The following EFCAB5 variants were observed in gnomAD, a reference collection of about 807,000 sequenced individuals.
EFCAB5 encodes EF-hand calcium-binding domain-containing protein 5.
A neutral mutation model predicts 167.9 loss-of-function variants in EFCAB5; 131 were observed. That is an observed-to-expected ratio of 0.78 (90% CI 0.68 to 0.90). EFCAB5 has a LOEUF of 0.90. Among genes scored for constraint, EFCAB5 ranks in the 40% least tolerant of loss-of-function variants. EFCAB5 has a pLI of 0.00. For missense variants in EFCAB5, 1,663 were observed against 1,745.2 expected, an observed-to-expected ratio of 0.95 and a Z score of 0.84; for synonymous variants, 574 against 602.8, an observed-to-expected ratio of 0.95 and a Z score of 0.70.
chr17:30,073,660 G>T (rs2070802101), intron 14 of EFCAB5: 2 of 714,062 alleles, frequency 2.8e-6, no homozygotes, highest in African/African-American at 1.8e-5. Flanking sequence ...AAAGAAGGAA[G>T]TTTTTTCCTC....
rs536192124 is a variant in EFCAB5 at position 30,083,097 on chromosome 17, G to A, written c.3579+54G>A. ...CTCCAAGGTAGCCGAGTGTCTAGAT[G>A]TTATTTCTTGCTAATATTTGAAAAC... is the stretch of plus-strand genomic sequence containing the variant. On this transcript the variant is annotated intron_variant, in intron 18 of 22. Transcript: ENST00000394835. 126 of 1,548,656 alleles carry A rather than the reference G, an allele frequency of 8.1e-5. 3 individuals are homozygous for A. In the South Asian group the frequency reaches 1.5e-3, roughly 18 times the overall value.
intron 8 of EFCAB5, among the ~76,000 whole-genome samples, chr17:30,041,643 AAGTTCT>A (rs2069777591): frequency 6.6e-6 from 1 of 152,258 alleles, no homozygotes; most frequent in Admixed American, 6.5e-5. Flanking sequence ...ATTTTGAAAG[AAGTTCT>A]ACTGTAGATA....
intron 3 of EFCAB5, among the ~76,000 whole-genome samples, chr17:29,967,574 T>C (rs1469716013): frequency 2.0e-5 from 3 of 152,226 alleles, no homozygotes; most frequent in Admixed American, 2.0e-4. Flanking sequence ...CTTCAATCAG[T>C]TGAATTCCCC....
chr17:30,066,877 A>G (rs2070585782), intron 14 of EFCAB5, among the ~76,000 whole-genome samples: 1 of 152,242 alleles, frequency 6.6e-6, no homozygotes. Flanking sequence ...AGTGACTATT[A>G]CAAACTATAT....
In EFCAB5 at chr17:30,053,487, A is replaced by G. The variant is rs1567743293; in HGVS notation, c.1533A>G (p.Gly511=). The G allele has an allele frequency of 6.2e-7, 1 of 1,614,052 alleles. No individual in the cohort carries two copies. Among genetic ancestry groups the G allele is most frequent in the East Asian group, 2.2e-5 (1 of 44,892 alleles). The change falls in exon 10 of 23, where the codon GGA becomes GGG. Residue 511 remains glycine (G), a synonymous_variant. Coordinates refer to ENST00000394835, the MANE Select transcript of EFCAB5 (RefSeq NM_198529.4). ...PSPNPPEQQR[G]VTAEQGPQRI... is the part of the protein sequence containing the mutation. ...CAAACCCGCCAGAACAGCAGAGAGG[A>G]GTAACTGCAGAACAAGGACCACAAA...
intron 7 of EFCAB5, among the ~76,000 whole-genome samples, chr17:30,015,254 G>T (rs1377325492): frequency 6.6e-6 from 1 of 152,106 alleles, no homozygotes; most frequent in Admixed American, 6.6e-5. Flanking sequence ...TTCAACCTTG[G>T]TAAATCTGAC....
At chr17:29,992,656 A>G (rs959389603) in intron 4 of EFCAB5, among the ~76,000 whole-genome samples, 1 of 152,132 alleles carries the variant, frequency 6.6e-6, no homozygotes. Flanking sequence ...CCTCCATTGT[A>G]TTATAAACCA....
intron 14 of EFCAB5, among the ~76,000 whole-genome samples, chr17:30,066,597 T>C (rs749096146): frequency 2.7e-4 from 41 of 152,032 alleles, no homozygotes; most frequent in Non-Finnish European, 5.0e-4. Flanking sequence ...GATCTAACAA[T>C]GCATCTCAAG....
intron 7 of EFCAB5, among the ~76,000 whole-genome samples, chr17:30,022,591 G>A (rs1383867778): frequency 3.3e-5 from 5 of 152,084 alleles, no homozygotes; most frequent in African/African-American, 1.2e-4. Context: ...TCTGGTGGTC[G>A]TGAGTTTTAA....
chr17:30,034,101 G>A, intron 7 of EFCAB5, 129 bp from the exon 8 acceptor site: 1 of 1,144,030 alleles, frequency 8.7e-7, no homozygotes, highest in South Asian at 1.6e-5. Context: ...CTTCATCTAA[G>A]TGATAAGCAA....
chr17:29,971,558 C>T (rs1567687166), intron 4 of EFCAB5, among the ~76,000 whole-genome samples: 1 of 152,096 alleles, frequency 6.6e-6, no homozygotes, highest in Non-Finnish European at 1.5e-5. Flanking sequence ...TAATTTCTAC[C>T]TTTCAGAGTG....
chr17:30,013,386 C>T (rs1051779650), intron 7 of EFCAB5, among the ~76,000 whole-genome samples: 8 of 152,146 alleles, frequency 5.3e-5, no homozygotes, highest in African/African-American at 1.9e-4. Flanking sequence ...GGTACCAGCT[C>T]CTCTTTGTAC....
At chr17:30,030,124 CA>C (rs2069440025) in intron 7 of EFCAB5, among the ~76,000 whole-genome samples, 1 of 152,152 alleles carries the variant, frequency 6.6e-6, no homozygotes, top group South Asian at 2.1e-4. Flanking sequence ...TCTGTTTTTA[CA>C]AGAGACATTG....
chr17:30,080,923 C>G lies in EFCAB5; in HGVS notation c.3368C>G (p.Thr1123Ser). ...ATCTTTGGGGTCTTGGCTGTTGATA[C>G]CCTTAGAGATCCCCACGAAATAAAC... ...MRIFGVLAVD[T>S]LRDPHEINIF... is the part of the protein sequence containing the mutation. The change falls in exon 17 of 23, where the codon ACC becomes AGC. Residue 1123 changes from threonine to serine, a missense_variant. Thr to Ser is a moderately conservative substitution (Grantham distance 58). Transcript: ENST00000394835. The G allele has an allele frequency of 3.7e-6, 6 of 1,613,588 alleles. No individual in the cohort carries two copies. Among genetic ancestry groups the G allele is most frequent in the Non-Finnish European group, 5.1e-6 (6 of 1,179,852 alleles).
upstream of EFCAB5, among the ~76,000 whole-genome samples, chr17:29,940,056 C>G (rs1299901913): frequency 6.7e-6 from 1 of 150,338 alleles, no homozygotes; most frequent in Non-Finnish European, 1.5e-5. Flanking sequence ...AATTGCATCT[C>G]TTTCCCTCAC....
chr17:29,975,442 A>C (rs1419252088), intron 4 of EFCAB5, among the ~76,000 whole-genome samples: 1 of 152,046 alleles, frequency 6.6e-6, no homozygotes, highest in Admixed American at 6.6e-5. Context: ...TTTTAAGTAG[A>C]GATGGGGTTT....
At chr17:30,098,528 T>G (rs1475843766) in intron 22 of EFCAB5, among the ~76,000 whole-genome samples, 1 of 148,006 alleles carries the variant, frequency 6.8e-6, no homozygotes, top group African/African-American at 2.5e-5. Context: ...CGAGACCCTG[T>G]CTACAGAGAA....
chr17:30,062,059 C>T (rs1269818616), intron 14 of EFCAB5, among the ~76,000 whole-genome samples: 18 of 152,174 alleles, frequency 1.2e-4, no homozygotes, highest in South Asian at 6.2e-4. Context: ...ATTTAAATGA[C>T]GAAATTTGCT....
At chr17:29,973,345 C>T (rs1424308733) in intron 4 of EFCAB5, among the ~76,000 whole-genome samples, 2 of 152,068 alleles carry the variant, frequency 1.3e-5, no homozygotes, top group African/African-American at 2.4e-5. Context: ...CCTCTCCTCC[C>T]GCAAAAGGGA....
Sources: gnomAD v4.1 joint callset for allele counts (sites outside exome capture counted in the v4.1 genomes callset) on GRCh38, gnomAD v4.1.1 for gene constraint, MANE v1.5 for transcripts, NCBI Gene and HGNC (gene_info 2026-07-23, HGNC 2026-07-21) for gene names.